The following DGKD variants were observed in gnomAD, a reference collection of about 807,000 sequenced individuals.
The protein encoded by DGKD is diacylglycerol kinase delta, also known as DAG kinase delta.
Under a neutral mutation model 154.4 loss-of-function variants are expected in DGKD, and 68 were observed. The ratio of observed to expected loss-of-function variants is 0.44; its 90% confidence interval spans 0.36 to 0.54. DGKD has a LOEUF of 0.54. Among genes scored for constraint, DGKD ranks in the 20% least tolerant of loss-of-function variants. DGKD has a pLI of 0.00. For missense variants in DGKD, 1,343 were observed against 1,593.6 expected, an observed-to-expected ratio of 0.84 and a Z score of 2.68; for synonymous variants, 693 against 638.0, an observed-to-expected ratio of 1.09 and a Z score of -1.30.
rs781656927 is a variant in DGKD, at chr2:233,467,097, G to C, written c.3318G>C (p.Leu1106=). 1.9e-6 allele frequency: 3 copies of C among 1,613,748 alleles called. No individual in the cohort carries two copies. In the South Asian group the frequency reaches 3.3e-5, roughly 18 times the overall value. ...ATTCTCCCCAACAGAGTGTGATGCT[G>C]GATCTTGCCAAGCGCAGTCGCAGTG... ...AEPGDEESVM[L]DLAKRSRSGK... is the part of the protein sequence containing the mutation. Residue 1106 remains leucine (L), a synonymous_variant, in exon 28 of 30, where the codon CTG becomes CTC. Transcript: ENST00000264057.
At position 233,450,921 on chromosome 2, in the gene DGKD, G is replaced by C; in HGVS notation, c.2039-1G>C. On this transcript the variant is annotated splice_acceptor_variant, in intron 16 of 29. Transcript: ENST00000264057. LOFTEE classifies it high-confidence loss of function. ...TAAGGTTTTCTGCTGTGTTGTTACAGTGTCGAAATCTCCGTGTGAAAAGCT... is the reference window on the plus strand; with the variant it reads ...TAAGGTTTTCTGCTGTGTTGTTACACTGTCGAAATCTCCGTGTGAAAAGCT... 6.3e-7 allele frequency: 1 copy of C among 1,598,526 alleles called. No homozygotes were observed. Among genetic ancestry groups the C allele is most frequent in the Non-Finnish European group, 8.6e-7 (1 of 1,166,852 alleles).
rs1291297026 is a variant in DGKD, at chr2:233,445,965, G to C, written c.1334+203G>C. Among the ~76,000 whole-genome samples, 2 of 152,232 alleles carry C rather than the reference G, an allele frequency of 1.3e-5. No individual in the cohort carries two copies. The highest frequency in any genetic ancestry group is 2.9e-5 in the Non-Finnish European group (2 of 68,040). ...TAAAAACAAAACAGGTTAAGAACCA[G>C]CCATGCCCTAGGATGATCCAGTCTT... is the stretch of plus-strand genomic sequence containing the variant. On this transcript the variant is annotated intron_variant, in intron 11 of 29. Coordinates refer to ENST00000264057, the MANE Select transcript of DGKD (RefSeq NM_152879.3). The surrounding 1 kb of genome is among the most constrained non-coding windows in gnomAD (Gnocchi z 5.5).
intron 3 of DGKD, among the ~76,000 whole-genome samples, chr2:233,433,437 C>T (rs964356629): frequency 1.3e-5 from 2 of 151,432 alleles, no homozygotes; most frequent in South Asian, 4.2e-4. Context: ...TGATGGTTAC[C>T]AGAGGCTGGG....
rs1477063450 is a variant in DGKD at position 233,445,631 on chromosome 2, G to A, written c.1203G>A (p.Leu401=). The A allele has an allele frequency of 1.2e-6, 2 of 1,609,066 alleles. No homozygotes were observed. Among genetic ancestry groups the A allele is most frequent in the Non-Finnish European group, 1.7e-6 (2 of 1,177,572 alleles). ...DSLNLHKQCQ[L]GVLPLGTGND... is the part of the protein sequence containing the mutation. The stretch of plus-strand genomic sequence containing the variant: ...CCCCCATGTTTCCTTAGTGTCAGCT[G>A]GGAGTGCTGCCGCTCGGCACAGGGA... Residue 401 remains leucine (L), a synonymous_variant, in exon 11 of 30, where the codon CTG becomes CTA. Coordinates refer to ENST00000264057, the MANE Select transcript of DGKD (RefSeq NM_152879.3). This position sits in a 1 kb window ranked among gnomAD's most constrained non-coding sequence, Gnocchi z 5.5.
In DGKD at chr2:233,452,156, G is replaced by A. The variant is rs1224738777; in HGVS notation, c.2264+96G>A. 1.7e-6 allele frequency: 2 copies of A among 1,175,184 alleles called. No homozygotes were observed. The highest frequency in any genetic ancestry group is 2.1e-4 in the Middle Eastern group (1 of 4,870). 72.8% of individuals were successfully genotyped at this position (1,175,184 alleles called of 1,614,324 possible). ...GATTAACTAGAGAAATTAGTGAGCAGTTGCCCAGCTGGTGGTAGCTGATAA... is the reference window on the plus strand; with the variant it reads ...GATTAACTAGAGAAATTAGTGAGCAATTGCCCAGCTGGTGGTAGCTGATAA... On this transcript the variant is annotated intron_variant, in intron 18 of 29. Transcript: ENST00000264057. This position sits in a 1 kb window ranked among gnomAD's most constrained non-coding sequence, Gnocchi z 4.0.
At chr2:233,383,425 C>T (rs1703004319) in intron 1 of DGKD, among the ~76,000 whole-genome samples, 1 of 152,158 alleles carries the variant, frequency 6.6e-6, no homozygotes, top group Non-Finnish European at 1.5e-5. Flanking sequence ...CCCACCTTGG[C>T]TTTTCTTTTA....
intron 1 of DGKD, among the ~76,000 whole-genome samples, chr2:233,381,071 T>C (rs553395194): frequency 1.3e-5 from 2 of 152,328 alleles, no homozygotes; most frequent in African/African-American, 2.4e-5. Flanking sequence ...CTATGTTGGG[T>C]TCCTTTCTGT....
chr2:233,360,465 T>C (rs973283799), intron 1 of DGKD, among the ~76,000 whole-genome samples: 1 of 152,086 alleles, frequency 6.6e-6, no homozygotes, highest in Non-Finnish European at 1.5e-5. Flanking sequence ...ATGTTGCCCA[T>C]GCTTGGGGTC....
Position 233,441,821 on chromosome 2 carries a change from C to T in DGKD, c.1086-66C>T, listed in dbSNP as rs1343611066. On this transcript the variant is annotated intron_variant, in intron 9 of 29. Coordinates refer to ENST00000264057, the MANE Select transcript of DGKD (RefSeq NM_152879.3). This position sits in a 1 kb window ranked among gnomAD's most constrained non-coding sequence, Gnocchi z 5.6. ...GCACAGGTGGCCCCTCAGCCCCGTA[C>T]TGACAAGCCTGTCATTTGTCCTGTG... 3 of 1,500,790 alleles carry T rather than the reference C, an allele frequency of 2.0e-6. No homozygotes were observed. The highest frequency in any genetic ancestry group is 2.7e-5 in the African/African-American group (2 of 72,800). 93.0% of individuals were successfully genotyped at this position (1,500,790 alleles called of 1,614,324 possible).
At chr2:233,460,134 C>T in intron 23 of DGKD, 60 bp from the exon 24 acceptor site, 1 of 1,589,624 alleles carries the variant, frequency 6.3e-7, no homozygotes, top group Non-Finnish European at 8.6e-7. Context: ...CCCATAGTGT[C>T]TGTCGCAGTC....
At chr2:233,408,068 A>G (rs2061730388) in intron 3 of DGKD, among the ~76,000 whole-genome samples, 2 of 140,052 alleles carry the variant, frequency 1.4e-5, no homozygotes, top group East Asian at 2.1e-4. Context: ...TTTTCAGATG[A>G]GTCTCACTCT....
chr2:233,398,774 G>A (rs1444698019), intron 3 of DGKD, among the ~76,000 whole-genome samples: 2 of 152,052 alleles, frequency 1.3e-5, no homozygotes, highest in South Asian at 2.1e-4. Context: ...ACAGGCTCCC[G>A]CCACCACACC....
Position 233,469,646 on chromosome 2 carries a change from C to T in DGKD, c.*186C>T, listed in dbSNP as rs2063946821. ...GCCTCCGTGACACCGTCCACCAGAG[C>T]TCTGGGGTCTCGAACATAACAACAC... On this transcript the variant is annotated 3_prime_UTR_variant, in exon 30 of 30. Transcript: ENST00000264057. 1 of 596,096 alleles carries T rather than the reference C, an allele frequency of 1.7e-6. No individual in the cohort carries two copies. Among genetic ancestry groups the T allele is most frequent in the Non-Finnish European group, 3.0e-6 (1 of 334,452 alleles). The allele number at this position is 596,096 out of a possible 1,614,324, so 36.9% of individuals were successfully genotyped here. A position where few individuals can be genotyped will look rare whatever the true frequency, so the allele number is the denominator to read the frequency against.
At position 233,449,913 on chromosome 2, in the gene DGKD, T is replaced by C; in HGVS notation, c.1889-69T>C. On this transcript the variant is annotated intron_variant, in intron 15 of 29. Coordinates refer to ENST00000264057, the MANE Select transcript of DGKD (RefSeq NM_152879.3). The surrounding 1 kb of genome is among the most constrained non-coding windows in gnomAD (Gnocchi z 5.3). ...GCCGTGGGGTGAGGATGAGGGGCCC[T>C]CCACCCAGCCTGACAGCGCCCTTGG... The C allele has an allele frequency of 2.7e-6, 4 of 1,502,670 alleles. No individual in the cohort carries two copies. The South Asian group carries it at 4.0e-5, about 15-fold the overall frequency. The allele number at this position is 1,502,670 out of a possible 1,614,324, so 93.1% of individuals were successfully genotyped here. A position where few individuals can be genotyped will look rare whatever the true frequency, so the allele number is the denominator to read the frequency against.
At position 233,471,652 on chromosome 2, in the gene DGKD, TTTAAAA is replaced by T. The variant is rs1484763596; in HGVS notation, c.*2197_*2202del. 5.2e-5 allele frequency: 8 copies of T among 152,528 alleles called. No homozygotes were observed. Among genetic ancestry groups the T allele is most frequent in the South Asian group, 2.1e-4 (1 of 4,832 alleles). The allele number at this position is 152,528 out of a possible 1,614,324, so 9.4% of individuals were successfully genotyped here. ...AGGAGTTGGGTTTGGATCAAAAGTG[TTTAAAA>T]TTAATATGTTGTCAGTGATTAGAAC... On this transcript the variant is annotated 3_prime_UTR_variant, in exon 30 of 30. Coordinates refer to ENST00000264057, the MANE Select transcript of DGKD (RefSeq NM_152879.3).
At chr2:233,409,728 C>T (rs892808803) in intron 3 of DGKD, among the ~76,000 whole-genome samples, 6 of 149,668 alleles carry the variant, frequency 4.0e-5, no homozygotes, top group Admixed American at 3.3e-4. Flanking sequence ...CTCCTCACCA[C>T]ACAATTGAAG....
Position 233,450,049 on chromosome 2 carries a change from G to A in DGKD, c.1956G>A (p.Glu652=), listed in dbSNP as rs1478533414. 6 of 1,610,590 alleles carry A rather than the reference G, an allele frequency of 3.7e-6. No homozygotes were observed. Among genetic ancestry groups the A allele is most frequent in the Non-Finnish European group, 5.1e-6 (6 of 1,179,942 alleles). The stretch of plus-strand genomic sequence containing the variant: ...TCGTCCTGGGCCTCTCTGAGTCAGA[G>A]GAGAAGATGGACCACAGAGTGTGCC... The part of the protein sequence containing the change: ...EGFVLGLSES[E]EKMDHRVCPP... Residue 652 remains glutamate, a synonymous_variant, in exon 16 of 30, where the codon GAG becomes GAA. Transcript: ENST00000264057.
chr2:233,357,521 TTTTCTTTC>T lies in DGKD; in HGVS notation c.156+2859_156+2866del, dbSNP rs1277142871. On this transcript the variant is annotated intron_variant, in intron 1 of 29. Coordinates refer to ENST00000264057, the MANE Select transcript of DGKD (RefSeq NM_152879.3). ...GTGGGGCCTTAGAATGTGCATTTCT[TTTTCTTTC>T]TTTCTTTCTTTTTTTTTTTTTTTTT... Among the ~76,000 whole-genome samples the T allele has an allele frequency of 2.0e-5, 3 of 150,536 alleles. No homozygotes were observed. The South Asian group carries it at 6.3e-4, about 31-fold the overall frequency.
In DGKD at chr2:233,440,717, A is replaced by G. The variant is rs1011326914; in HGVS notation, c.1086-1170A>G. On this transcript the variant is annotated intron_variant, in intron 9 of 29. Coordinates refer to ENST00000264057, the MANE Select transcript of DGKD (RefSeq NM_152879.3). This position sits in a 1 kb window ranked among gnomAD's most constrained non-coding sequence, Gnocchi z 4.9. The stretch of plus-strand genomic sequence containing the variant: ...GGGAGGGCTGCGGGTGCTGGCCAAG[A>G]GGTTCGACTCCTTCCTGCAAATGAG... Among the ~76,000 whole-genome samples the G allele has an allele frequency of 3.3e-5, 5 of 152,130 alleles. No homozygotes were observed. The highest frequency in any genetic ancestry group is 1.2e-4 in the African/African-American group (5 of 41,422).
Sources: allele counts gnomAD v4.1 joint callset (sites outside exome capture counted in the v4.1 genomes callset), GRCh38; gene constraint gnomAD v4.1.1; non-coding constraint Gnocchi (gnomAD v3.1); transcripts MANE v1.5; gene names NCBI Gene and HGNC (gene_info 2026-07-23, HGNC 2026-07-21).